The following SYT7 variants were observed in gnomAD, a reference collection of about 807,000 sequenced individuals.
SYT7 encodes synaptotagmin 7.
SYT7 carries 29 observed loss-of-function variants against 75.1 expected under a neutral mutation model. The observed-to-expected ratio is 0.39, with a 90% confidence interval of 0.29 to 0.53. SYT7 has a LOEUF of 0.53. Ranked by LOEUF, SYT7 falls within the 20% of genes least tolerant of loss-of-function variation. The probability of loss-of-function intolerance (pLI) is 0.77; values close to 1 mark genes in which losing one functional copy is unlikely to be tolerated. For missense variants in SYT7, 693 were observed against 953.2 expected, an observed-to-expected ratio of 0.73 and a Z score of 3.59; for synonymous variants, 376 against 401.7, an observed-to-expected ratio of 0.94 and a Z score of 0.76.
intron 1 of SYT7, among the ~76,000 whole-genome samples, chr11:61,567,712 G>GGCGC (rs1439067247): frequency 6.6e-6 from 1 of 152,198 alleles, no homozygotes; most frequent in Non-Finnish European, 1.5e-5. Context: ...CCTGGTGGCT[G>GGCGC]GCGCGGGCAC....
intron 1 of SYT7, among the ~76,000 whole-genome samples, chr11:61,569,479 T>G (rs1590946315): frequency 6.6e-6 from 1 of 150,838 alleles, no homozygotes; most frequent in Admixed American, 6.6e-5. Context: ...CCATGCAGAG[T>G]AAGTGAGAGA....
At chr11:61,564,462 C>T (rs1442775306) in intron 1 of SYT7, among the ~76,000 whole-genome samples, 1 of 152,182 alleles carries the variant, frequency 6.6e-6, no homozygotes, top group Non-Finnish European at 1.5e-5. Context: ...ACTTCAGCAC[C>T]CCTCTGAGGG....
At position 61,553,839 on chromosome 11, in the gene SYT7, G is replaced by T. The variant is rs935486542; in HGVS notation, c.135+2265C>A. The stretch of plus-strand genomic sequence containing the variant: ...CAGGGTATCACGTCACTGCTGCTGA[G>T]GGGACAGGCAGGCAAGGAGAGCCCA... On this transcript the variant is annotated intron_variant, in intron 2 of 12. Transcript: ENST00000539008. This position sits in a 1 kb window ranked among gnomAD's most constrained non-coding sequence, Gnocchi z 5.2. Among the ~76,000 whole-genome samples the T allele has an allele frequency of 3.3e-5, 5 of 152,186 alleles. No individual in the cohort carries two copies. Among genetic ancestry groups the T allele is most frequent in the Non-Finnish European group, 7.3e-5 (5 of 68,036 alleles).
In SYT7 at chr11:61,580,012, C is replaced by T. The variant is rs373230328; in HGVS notation, c.31+778G>A. ...TTCCGAGGAAGACGGGAAGATTCTT[C>T]GGCTTTGGCTTAGAGGATACCAAGC... On this transcript the variant is annotated intron_variant, in intron 1 of 12. Transcript: ENST00000539008. This position sits in a 1 kb window ranked among gnomAD's most constrained non-coding sequence, Gnocchi z 6.1. Among the ~76,000 whole-genome samples, 10 of 152,132 alleles carry T rather than the reference C, an allele frequency of 6.6e-5. No homozygotes were observed. The highest frequency in any genetic ancestry group is 2.1e-4 in the South Asian group (1 of 4,830).
intron 1 of SYT7, among the ~76,000 whole-genome samples, chr11:61,565,684 C>A (rs566957821): frequency 2.0e-5 from 3 of 152,392 alleles, no homozygotes; most frequent in Admixed American, 2.0e-4. Flanking sequence ...CCATGCCCTC[C>A]GGACATTCTC....
In SYT7 at chr11:61,539,804, G is replaced by A. The variant is rs1045099455; in HGVS notation, c.942-1538C>T. ...CTCAGTGAACGGAGGGAGCTAAGTG[G>A]CTGCTGTGCCCCTCCCTGTCTTTGC... On this transcript the variant is annotated intron_variant, in intron 6 of 12. Coordinates refer to ENST00000539008, the MANE Select transcript of SYT7 (RefSeq NM_001365809.2). 3 of 152,288 alleles carry A rather than the reference G, an allele frequency of 2.0e-5. No individual in the cohort carries two copies. In the East Asian group the frequency reaches 5.8e-4, roughly 30 times the overall value. 9.4% of individuals were successfully genotyped at this position (152,288 alleles called of 1,614,324 possible). A position where few individuals can be genotyped will look rare whatever the true frequency, so the allele number is the denominator to read the frequency against.
rs1322236082 is a variant in SYT7 at position 61,523,884 on chromosome 11, T to A, written c.1699A>T (p.Ile567Phe). ...LCYNPSANSI[I>F]VNIIKARNLK... ...TTCCGGGCTTTGATGATGTTCACGA[T>A]GATGGAGTTGGCAGAGGGGTTGTAG... The change falls in exon 11 of 13, where the codon ATC (isoleucine) becomes TTC (phenylalanine). Residue 567 changes from isoleucine (I) to phenylalanine (F), a missense_variant. By Grantham distance (21) the Ile-to-Phe change is conservative. This residue lies in a region of SYT7 where 206 missense variants were observed against 360.0 expected (regional missense o/e 0.57). Transcript: ENST00000539008. The surrounding 1 kb of genome is among the most constrained non-coding windows in gnomAD (Gnocchi z 5.0). The A allele has an allele frequency of 6.2e-7, 1 of 1,614,024 alleles. No homozygotes were observed. Among genetic ancestry groups the A allele is most frequent in the Non-Finnish European group, 8.5e-7 (1 of 1,179,960 alleles).
At chr11:61,550,332 T>C (rs959350157) in intron 3 of SYT7, among the ~76,000 whole-genome samples, 15 of 105,994 alleles carry the variant, frequency 1.4e-4, no homozygotes, top group African/African-American at 5.5e-4. Flanking sequence ...GGGTGGAGGG[T>C]GGGGGAGGAG....
At chr11:61,577,703 AACAGAGCC>A (rs1171634894) in intron 1 of SYT7, among the ~76,000 whole-genome samples, 1 of 152,114 alleles carries the variant, frequency 6.6e-6, no homozygotes, top group Non-Finnish European at 1.5e-5. Flanking sequence ...GTCTGTAGGG[AACAGAGCC>A]CACTAACAGG....
At chr11:61,562,988 G>A (rs1399533717) in intron 1 of SYT7, among the ~76,000 whole-genome samples, 2 of 152,272 alleles carry the variant, frequency 1.3e-5, no homozygotes, top group East Asian at 3.9e-4. Flanking sequence ...AGGGGAACGG[G>A]AGGGGGTGCC....
intron 1 of SYT7, among the ~76,000 whole-genome samples, chr11:61,571,907 T>C (rs1264025446): frequency 6.6e-6 from 1 of 152,180 alleles, no homozygotes; most frequent in Non-Finnish European, 1.5e-5. Context: ...TCTCCCATCA[T>C]TCCTGAGCAG....
intron 6 of SYT7, chr11:61,540,395 G>A (rs921171991): frequency 7.0e-6 from 4 of 571,768 alleles, no homozygotes; most frequent in African/African-American, 6.1e-5. Context: ...CGAGCTAAGA[G>A]TGGTTTTTAC....
Position 61,580,773 on chromosome 11 carries a change from G to A in SYT7, c.31+17C>T. 1 of 1,257,726 alleles carries A rather than the reference G, an allele frequency of 8.0e-7. No homozygotes were observed. Among genetic ancestry groups the A allele is most frequent in the South Asian group, 3.0e-5 (1 of 33,870 alleles). 77.9% of individuals were successfully genotyped at this position (1,257,726 alleles called of 1,614,324 possible). ...CCGCCGGTGCGGGGCGCCCCAGCCC[G>A]CCGGGGCCGCGCTTACCTGGGCTGG... is the stretch of plus-strand genomic sequence containing the variant. On this transcript the variant is annotated intron_variant, in intron 1 of 12. Transcript: ENST00000539008. The surrounding 1 kb of genome is among the most constrained non-coding windows in gnomAD (Gnocchi z 6.1).
At chr11:61,556,077 C>T (rs754054489) in intron 2 of SYT7, 27 bp downstream of exon 2, 9 of 1,598,794 alleles carry the variant, frequency 5.6e-6, no homozygotes, top group African/African-American at 1.3e-5. Flanking sequence ...TAGGCACCAC[C>T]CTCCAAGGGG....
chr11:61,557,773 T>C (rs1045424801), intron 1 of SYT7, among the ~76,000 whole-genome samples: 11 of 152,240 alleles, frequency 7.2e-5, no homozygotes, highest in African/African-American at 2.7e-4. Context: ...CTGGACAACC[T>C]GCAATCACCA....
At chr11:61,519,357 G>A (rs189946153) in intron 12 of SYT7, among the ~76,000 whole-genome samples, 44 of 152,324 alleles carry the variant, frequency 2.9e-4, no homozygotes, top group African/African-American at 9.4e-4. Flanking sequence ...GAATCCCTCC[G>A]GAACCCCCAG....
At chr11:61,519,023 T>C (rs961573699) in intron 12 of SYT7, among the ~76,000 whole-genome samples, 1 of 152,240 alleles carries the variant, frequency 6.6e-6, no homozygotes, top group African/African-American at 2.4e-5. Flanking sequence ...TGGAGGCAGC[T>C]TGTCTCCATG....
chr11:61,587,234 TGGAACCC>T, the SYT7 span, among the ~76,000 whole-genome samples: 7 of 152,098 alleles, frequency 4.6e-5, no homozygotes, highest in African/African-American at 1.7e-4. Flanking sequence ...TGGCCTGAGT[TGGAACCC>T]CAGACCCGAG....
rs111742877 is a variant in SYT7, at chr11:61,533,513, G to A, written c.1065-389C>T. 1.4e-4 allele frequency: 142 copies of A among 985,314 alleles called. No individual in the cohort carries two copies. The Admixed American group carries it at 2.0e-3, about 14-fold the overall frequency. 61.0% of individuals were successfully genotyped at this position (985,314 alleles called of 1,614,324 possible). On this transcript the variant is annotated intron_variant, in intron 7 of 12. Transcript: ENST00000539008. ...ATCCGCCCCCAGCCTGGAAGGGGGA[G>A]GCTCCACCGTGGTGTGGTGTGTCCA...
Sources: allele counts gnomAD v4.1 joint callset (sites outside exome capture counted in the v4.1 genomes callset), GRCh38; gene constraint gnomAD v4.1.1; regional missense constraint gnomAD v4.1.1; non-coding constraint Gnocchi (gnomAD v3.1); transcripts MANE v1.5; gene names NCBI Gene and HGNC (gene_info 2026-07-23, HGNC 2026-07-21).